GSAP: variants seen among roughly 807,000 people sequenced by gnomAD.
GSAP encodes gamma-secretase-activating protein.
Under a neutral mutation model 131.7 loss-of-function variants are expected in GSAP, and 118 were observed. The ratio of observed to expected loss-of-function variants is 0.90; its 90% confidence interval spans 0.77 to 1.04. The LOEUF (loss-of-function observed/expected upper bound fraction) is 1.04. Among genes scored for constraint, GSAP ranks in the 50% least tolerant of loss-of-function variants. GSAP has a pLI of 0.00. For synonymous variants in GSAP, 381 were observed against 363.4 expected (o/e 1.05, Z -0.55); for missense variants, 1,019 against 1,013.2 (o/e 1.01, Z -0.08).
intron 20 of GSAP, 197 bp from the exon 21 acceptor site, chr7:77,329,588 C>G (rs755986544): frequency 9.4e-5 from 34 of 360,462 alleles, no homozygotes; most frequent in Non-Finnish European, 1.3e-4. Flanking sequence ...CAGGAAACTG[C>G]GAGTCAACTA....
intron 3 of GSAP, among the ~76,000 whole-genome samples, chr7:77,398,943 T>C (rs1372935502): frequency 6.6e-6 from 1 of 152,246 alleles, no homozygotes; most frequent in Non-Finnish European, 1.5e-5. Context: ...ACTTGCTTTT[T>C]TCATGTAACA....
intron 7 of GSAP, 83 bp downstream of exon 7, chr7:77,382,491 T>G: frequency 2.7e-6 from 2 of 729,024 alleles, no homozygotes; most frequent in South Asian, 3.1e-5. Flanking sequence ...CAGGTGGATA[T>G]CTAGAAGATT....
At chr7:77,363,608 G>C (rs1794844768) in intron 12 of GSAP, among the ~76,000 whole-genome samples, 1 of 152,120 alleles carries the variant, frequency 6.6e-6, no homozygotes. Context: ...TAGAAAAAAA[G>C]TCAGTTTCCC....
At chr7:77,404,301 C>A (rs1021710678) in intron 3 of GSAP, among the ~76,000 whole-genome samples, 2 of 152,226 alleles carry the variant, frequency 1.3e-5, no homozygotes, top group Non-Finnish European at 2.9e-5. Flanking sequence ...GGAAACTTTC[C>A]TATTGCCAAT....
chr7:77,398,781 G>C (rs1405371489), intron 3 of GSAP, among the ~76,000 whole-genome samples: 1 of 150,512 alleles, frequency 6.6e-6, no homozygotes, highest in African/African-American at 2.5e-5. Flanking sequence ...CAAAAAAAAA[G>C]GTCAAAAGAA....
intron 12 of GSAP, among the ~76,000 whole-genome samples, chr7:77,368,195 T>A (rs1055360901): frequency 2.6e-5 from 4 of 152,144 alleles, no homozygotes; most frequent in Non-Finnish European, 5.9e-5. Flanking sequence ...TGGGCTGTCA[T>A]CCTGCCTTGC....
At chr7:77,312,393 CA>C (rs1379118792) in intron 28 of GSAP, among the ~76,000 whole-genome samples, 191 bp from the exon 29 acceptor site, 4 of 152,186 alleles carry the variant, frequency 2.6e-5, no homozygotes, top group African/African-American at 4.8e-5. Context: ...AATACTCTCT[CA>C]AACGCTACAT....
chr7:77,363,357 C>T (rs780909744), intron 12 of GSAP, among the ~76,000 whole-genome samples: 50 of 152,304 alleles, frequency 3.3e-4, no homozygotes, highest in Middle Eastern at 6.8e-3. Context: ...GACTAATGTC[C>T]ATCAGTGACC....
chr7:77,312,318 G>A, intron 28 of GSAP, 116 bp from the exon 29 acceptor site: 1 of 575,584 alleles, frequency 1.7e-6, no homozygotes, highest in Non-Finnish European at 3.0e-6. Context: ...TTAGTCTCCA[G>A]GCCCTTGATG....
rs1185515915 is a variant in GSAP at position 77,345,209 on chromosome 7, C to A, written c.1545+4142G>T. ...ATCCAAAACCACATCCAGGCCATCA[C>A]CAATCATTCTATACGACAAATGCTC... On this transcript the variant is annotated intron_variant, in intron 19 of 30. Coordinates refer to ENST00000257626, the MANE Select transcript of GSAP (RefSeq NM_017439.4). Among the ~76,000 whole-genome samples, 4 of 152,182 alleles carry A rather than the reference C, an allele frequency of 2.6e-5. No individual in the cohort carries two copies. The East Asian group carries it at 7.7e-4, about 29-fold the overall frequency.
At chr7:77,311,648 TTA>T in intron 30 of GSAP, 191 bp downstream of exon 30, 1 of 591,454 alleles carries the variant, frequency 1.7e-6, no homozygotes, top group South Asian at 2.2e-5. Flanking sequence ...CTTGACTCTT[TTA>T]AAACTTCAGA....
intron 6 of GSAP, among the ~76,000 whole-genome samples, chr7:77,386,788 T>C (rs1030563613): frequency 1.5e-4 from 23 of 152,246 alleles, no homozygotes; most frequent in African/African-American, 5.3e-4. Context: ...GGCATCACCG[T>C]GTTCAACCTC....
chr7:77,329,212 A>G (rs1320539999), intron 21 of GSAP, 121 bp downstream of exon 21: 2 of 531,002 alleles, frequency 3.8e-6, no homozygotes, highest in East Asian at 3.4e-5. Context: ...GAAGCTGACA[A>G]TATTATTTTG....
intron 2 of GSAP, 37 bp from the exon 3 acceptor site, chr7:77,404,652 T>C: frequency 8.4e-7 from 1 of 1,183,806 alleles, no homozygotes; most frequent in African/African-American, 1.5e-5. Context: ...TAAATGTCAT[T>C]GTTTAGGAAG....
chr7:77,372,510 T>C (rs1796284683), intron 12 of GSAP, among the ~76,000 whole-genome samples: 1 of 152,224 alleles, frequency 6.6e-6, no homozygotes, highest in Admixed American at 6.5e-5. Flanking sequence ...AGAGTGTCCT[T>C]AATCAAAGGA....
intron 19 of GSAP, chr7:77,330,685 T>A (rs1788997497): frequency 9.9e-7 from 1 of 1,007,826 alleles, no homozygotes. Context: ...GGGAAACCTG[T>A]ATTAAACACA....
At chr7:77,400,032 T>G (rs1227513473) in intron 3 of GSAP, among the ~76,000 whole-genome samples, 1 of 151,956 alleles carries the variant, frequency 6.6e-6, no homozygotes, top group Admixed American at 6.6e-5. Context: ...GAGAGAAACT[T>G]TCTTACTATA....
intron 18 of GSAP, chr7:77,351,093 T>C: frequency 1.0e-6 from 1 of 966,620 alleles, no homozygotes; most frequent in Non-Finnish European, 1.2e-6. Flanking sequence ...AGAATATTCC[T>C]GTAAAAAAGG....
rs750833845 is a variant in GSAP at position 77,355,305 on chromosome 7, G to A, written c.1246C>T (p.Leu416Phe). Residue 416 changes from leucine to phenylalanine, a missense_variant, in exon 16 of 31, where the codon CTT (leucine) becomes TTT (phenylalanine). Leu to Phe is a conservative substitution (Grantham distance 22, BLOSUM62 0). Transcript: ENST00000257626. Reference protein sequence around the residue: ...ALLSQSSLLQLLQNTCLDCEK... With the variant: ...ALLSQSSLLQFLQNTCLDCEK... Reference sequence around the variant, plus strand: ...CAGTCTAAGCAAGTGTTCTGCAGAAGCTGTAATAAAGACGACTGGCTGAGC... The same window carrying A: ...CAGTCTAAGCAAGTGTTCTGCAGAAACTGTAATAAAGACGACTGGCTGAGC... 4 of 1,613,632 alleles carry A rather than the reference G, an allele frequency of 2.5e-6. No homozygotes were observed. Among genetic ancestry groups the A allele is most frequent in the Non-Finnish European group, 2.5e-6 (3 of 1,179,754 alleles).
Sources: gnomAD v4.1 joint callset for allele counts (sites outside exome capture counted in the v4.1 genomes callset) on GRCh38, gnomAD v4.1.1 for gene constraint, MANE v1.5 for transcripts, NCBI Gene and HGNC (gene_info 2026-07-23, HGNC 2026-07-21) for gene names.